The following OR2AT4 variants were observed in gnomAD, a reference collection of about 807,000 sequenced individuals.
OR2AT4 encodes the protein olfactory receptor 2AT4.
Under a neutral mutation model 10.3 loss-of-function variants are expected in OR2AT4, and 6 were observed. The observed-to-expected ratio is 0.58, with a 90% CI of 0.32 to 1.15. The LOEUF is 1.15. Among genes scored for constraint, OR2AT4 ranks in the 50% most tolerant of loss-of-function variants. The pLI is 0.05. For synonymous variants in OR2AT4, 145 were observed against 159.1 expected (o/e 0.91, Z 0.67); for missense variants, 354 against 393.8 (o/e 0.90, Z 0.85).
intron 1 of OR2AT4, chr11:75,096,184 C>G (rs1170865096): frequency 1.3e-5 from 2 of 152,000 alleles, no homozygotes; most frequent in East Asian, 3.8e-4. Context: ...ACTTTGGAAG[C>G]AATGATCTCC....
At position 75,089,560 on chromosome 11, in the gene OR2AT4, C is replaced by A. The variant is rs776284762; in HGVS notation, c.154G>T (p.Val52Leu). 3 of 1,613,966 alleles carry A rather than the reference C, an allele frequency of 1.9e-6. No homozygotes were observed. In the South Asian group the frequency reaches 3.3e-5, roughly 18 times the overall value. The stretch of plus-strand genomic sequence containing the variant: ...AGGCTGGGCTCTGCCACCACGGCCA[C>A]CAGGATCAGGGCATTACCCATCAGG... The change falls in exon 2 of 2, where the codon GTG (valine) becomes TTG (leucine). Residue 52 changes from valine to leucine, a missense_variant. Val to Leu is a conservative substitution (Grantham distance 32). Transcript: ENST00000641504.
At chr11:75,095,258 A>G (rs181016651) in intron 1 of OR2AT4, among the ~76,000 whole-genome samples, 5 of 152,348 alleles carry the variant, frequency 3.3e-5, no homozygotes, top group African/African-American at 7.2e-5. Flanking sequence ...ATGATTCCTT[A>G]GCCTGCTATT....
At chr11:75,088,683 T>C in exon 2 of OR2AT4, 3 of 1,396,128 alleles carry the variant, frequency 2.1e-6, no homozygotes, top group South Asian at 1.8e-5. Context: ...TATCATGTAT[T>C]GAGTCCTTTC....
At chr11:75,095,681 T>C (rs1255342233) in intron 1 of OR2AT4, among the ~76,000 whole-genome samples, 1 of 150,216 alleles carries the variant, frequency 6.7e-6, no homozygotes, top group African/African-American at 2.4e-5. Flanking sequence ...TAACCTCTTT[T>C]TTTTTTTTTT....
Position 75,093,798 on chromosome 11 carries a change from CTTTTTCTTTTTCTTTTTTTTTTT to C in OR2AT4, c.-652+3007_-652+3029del, listed in dbSNP as rs1302736383. Among the ~76,000 whole-genome samples, 18 of 87,810 alleles carry C rather than the reference CTTTTTCTTTTTCTTTTTTTTTTT, an allele frequency of 2.0e-4. No individual in the cohort carries two copies. In the East Asian group the frequency reaches 6.0e-3, roughly 29 times the overall value. The allele number at this position is 87,810 out of a possible 152,430, so 57.6% of individuals were successfully genotyped here. On this transcript the variant is annotated intron_variant, in intron 1 of 1. Transcript: ENST00000641504. ...TTTCCTTTTCTCTTTTCTTTTTTTTCTTTTTCTTTTTCTTTTTTTTTTTTTTTTTTTTTTTTTTTTTGAGACAG... is the reference window on the plus strand; with the variant it reads ...TTTCCTTTTCTCTTTTCTTTTTTTTCTTTTTTTTTTTTTTTTTTGAGACAG...
rs748587367 is a variant in OR2AT4, at chr11:75,089,208, GA to G, written c.505del (p.Ser169ProfsTer68). The G allele has an allele frequency of 6.2e-7, 1 of 1,614,070 alleles. No individual in the cohort carries two copies. The highest frequency in any genetic ancestry group is 1.3e-5 in the African/African-American group (1 of 74,914). ...GGCAATGCTGTTATATGCCATCTGG[GA>G]GGTCCTTACTACTGCTGGGATGGGC... On this transcript the variant is annotated frameshift_variant, in exon 2 of 2. Coordinates refer to ENST00000641504, the Ensembl canonical transcript of OR2AT4. LOFTEE classifies it high-confidence loss of function.
exon 2 of OR2AT4, chr11:75,089,083 C>A: frequency 1.2e-6 from 2 of 1,613,798 alleles, no homozygotes; most frequent in Non-Finnish European, 8.5e-7. Flanking sequence ...AGGAAGGACA[C>A]CACCATGGCG....
Position 75,095,239 on chromosome 11 carries a change from T to C in OR2AT4, c.-652+1589A>G, listed in dbSNP as rs545502680. 2.0e-5 allele frequency among the ~76,000 whole-genome samples: 3 copies of C among 152,370 alleles called. No homozygotes were observed. The South Asian group carries it at 6.2e-4, about 32-fold the overall frequency. On this transcript the variant is annotated intron_variant, in intron 1 of 1. Transcript: ENST00000641504. ...CACCCAGTCTTTGTAGGATGTTTCA[T>C]GAGAGAGGATGATTCCTTAGCCTGC...
intron 1 of OR2AT4, among the ~76,000 whole-genome samples, chr11:75,096,593 A>G (rs931465117): frequency 1.3e-5 from 2 of 152,060 alleles, no homozygotes; most frequent in African/African-American, 4.8e-5. Flanking sequence ...CTTGTGAGGA[A>G]TTCTCTTCCA....
chr11:75,088,307 T>G (rs1479217447), exon 2 of OR2AT4: 1 of 152,838 alleles, frequency 6.5e-6, no homozygotes, highest in African/African-American at 2.4e-5. Flanking sequence ...GTCAAAATAT[T>G]GGATTTTTGC....
exon 2 of OR2AT4, chr11:75,089,715 G>A (rs761439135): frequency 1.9e-6 from 3 of 1,605,684 alleles, no homozygotes; most frequent in Non-Finnish European, 2.6e-6. Context: ...GGCATCCATT[G>A]TGAGACACAG....
exon 2 of OR2AT4, chr11:75,089,463 G>A (rs1393217266): frequency 6.2e-7 from 1 of 1,614,214 alleles, no homozygotes; most frequent in East Asian, 2.2e-5. Flanking sequence ...CAGCATCTTG[G>A]GGACAGTGGT....
At chr11:75,093,833 T>C (rs1209129569) in intron 1 of OR2AT4, among the ~76,000 whole-genome samples, 2 of 100,766 alleles carry the variant, frequency 2.0e-5, no homozygotes, top group African/African-American at 3.9e-5. Context: ...TTTTTTTTTT[T>C]TTTTTTGAGA....
intron 1 of OR2AT4, among the ~76,000 whole-genome samples, chr11:75,092,992 C>T (rs1405028119): frequency 6.6e-6 from 1 of 152,072 alleles, no homozygotes; most frequent in Non-Finnish European, 1.5e-5. Flanking sequence ...CCCAGCTACT[C>T]AGGAGGCTGA....
At chr11:75,093,813 T>TTTTTTTC (rs1949332839) in intron 1 of OR2AT4, among the ~76,000 whole-genome samples, 1 of 37,420 alleles carries the variant, frequency 2.7e-5, no homozygotes, top group African/African-American at 1.6e-4. Context: ...TCTTTTTCTT[T>TTTTTTTC]TTTTTTTTTT....
At chr11:75,090,916 C>T (rs912658815) in intron 1 of OR2AT4, among the ~76,000 whole-genome samples, 8 of 151,852 alleles carry the variant, frequency 5.3e-5, no homozygotes, top group Admixed American at 6.6e-5. Flanking sequence ...ATGTAGTGGG[C>T]GGGGGGAAAG....
exon 2 of OR2AT4, chr11:75,086,295 G>GT (rs1949290503): frequency 6.6e-6 from 1 of 152,084 alleles, no homozygotes; most frequent in Admixed American, 6.6e-5. Flanking sequence ...ATTTAGATAT[G>GT]TTATCAAACA....
chr11:75,088,577 ATT>A, exon 2 of OR2AT4: 2 of 605,604 alleles, frequency 3.3e-6, no homozygotes, highest in Non-Finnish European at 4.8e-6. Flanking sequence ...TGCCATGAAG[ATT>A]TTTTTTTTAT....
In OR2AT4 at chr11:75,093,617, A is replaced by G. The variant is rs114432738; in HGVS notation, c.-652+3211T>C. Reference sequence around the variant, plus strand: ...GGAGGAAGTTCACGTTTATGTTTACATCATTGTCTCTTGACCCTGATGATT... The same window carrying G: ...GGAGGAAGTTCACGTTTATGTTTACGTCATTGTCTCTTGACCCTGATGATT... On this transcript the variant is annotated intron_variant, in intron 1 of 1. Transcript: ENST00000641504. 3.9e-3 allele frequency among the ~76,000 whole-genome samples: 600 copies of G among 152,256 alleles called. 3 individuals are homozygous for G. Among genetic ancestry groups the G allele is most frequent in the African/African-American group, 0.013 (521 of 41,540 alleles).
Sources: allele counts gnomAD v4.1 joint callset (sites outside exome capture counted in the v4.1 genomes callset), GRCh38; gene constraint gnomAD v4.1.1; transcripts MANE v1.5; gene names NCBI Gene and HGNC (gene_info 2026-07-23, HGNC 2026-07-21).